Variants in CSMD1 observed in about 807,000 individuals in gnomAD.
The protein encoded by CSMD1 is CUB and sushi domain-containing protein 1.
CSMD1 carries 213 observed loss-of-function variants against 417.5 expected under a neutral mutation model. The ratio of observed to expected loss-of-function variants is 0.51; its 90% CI spans 0.46 to 0.57. The LOEUF is 0.57. Ranked by LOEUF, CSMD1 falls within the 20% of genes least tolerant of loss-of-function variation. The probability of loss-of-function intolerance (pLI) is 0.00; values close to 1 mark genes in which losing one functional copy is unlikely to be tolerated. For missense variants in CSMD1, 6,923 were observed against 4,529.7 expected (o/e 1.53, Z -15.17); for synonymous variants, 2,862 against 1,736.8 (o/e 1.65, Z -16.11).
At chr8:4,057,279 G>C (rs1207245905) in intron 3 of CSMD1, among the ~76,000 whole-genome samples, 2 of 152,128 alleles carry the variant, frequency 1.3e-5, no homozygotes, top group East Asian at 3.9e-4. Flanking sequence ...TTCTCTGATG[G>C]CCAGTGATGG....
At chr8:4,760,961 A>G (rs1812002289) in intron 1 of CSMD1, among the ~76,000 whole-genome samples, 1 of 152,068 alleles carries the variant, frequency 6.6e-6, no homozygotes, top group Non-Finnish European at 1.5e-5. Flanking sequence ...TTTCAGACCA[A>G]AGTTGCATTA....
At chr8:4,543,701 C>G (rs1055201057) in intron 2 of CSMD1, among the ~76,000 whole-genome samples, 1 of 101,912 alleles carries the variant, frequency 9.8e-6, no homozygotes, top group African/African-American at 3.6e-5. Context: ...AAAAAAAAAA[C>G]CCACACCAAA....
In CSMD1 at chr8:4,717,123, G is replaced by C. The variant is rs374791332; in HGVS notation, c.86-79565C>G. On this transcript the variant is annotated intron_variant, in intron 1 of 69. Transcript: ENST00000635120. ...AAAAACTATTTTTTTCTAATCATGA[G>C]AAAATAATCATTAGGAAAAAAAACT... Among the ~76,000 whole-genome samples the C allele has an allele frequency of 4.0e-4, 61 of 151,432 alleles. 1 individual carries two copies. Among genetic ancestry groups the C allele is most frequent in the East Asian group, 2.7e-3 (14 of 5,124 alleles).
At chr8:3,569,769 G>C (rs984036848) in intron 10 of CSMD1, among the ~76,000 whole-genome samples, 1 of 152,188 alleles carries the variant, frequency 6.6e-6, no homozygotes, top group Non-Finnish European at 1.5e-5. Flanking sequence ...AATGGCTGCT[G>C]CTTAATTTGG....
rs549297286 is a variant in CSMD1 at position 3,629,675 on chromosome 8, G to C, written c.1010-12878C>G. ...AATGTTATAATACACAAGTTTATAA[G>C]AGATTACGGAGATAGAAAAGACCAC... On this transcript the variant is annotated intron_variant, in intron 7 of 69. Coordinates refer to ENST00000635120, the MANE Select transcript of CSMD1 (RefSeq NM_033225.6). Among the ~76,000 whole-genome samples the C allele has an allele frequency of 1.2e-4, 18 of 152,218 alleles. No individual in the cohort carries two copies. In the East Asian group the frequency reaches 2.9e-3, roughly 25 times the overall value.
At chr8:3,671,031 C>CATAT (rs1798997335) in intron 7 of CSMD1, among the ~76,000 whole-genome samples, 2 of 86,878 alleles carry the variant, frequency 2.3e-5, no homozygotes, top group Non-Finnish European at 4.8e-5. Flanking sequence ...GGGATATATG[C>CATAT]ATATGGGATA....
chr8:3,290,339 A>T (rs1005582801), intron 25 of CSMD1, among the ~76,000 whole-genome samples: 2 of 146,716 alleles, frequency 1.4e-5, no homozygotes, highest in Non-Finnish European at 1.5e-5. Flanking sequence ...TGAACTTTAA[A>T]GTAGTTTTTT....
chr8:3,937,361 T>A (rs565958081), intron 5 of CSMD1, among the ~76,000 whole-genome samples: 2 of 152,244 alleles, frequency 1.3e-5, no homozygotes, highest in Admixed American at 6.6e-5. Flanking sequence ...AAAGGAGGAA[T>A]CAACTGACGT....
chr8:4,180,025 C>G (rs1245846002), intron 3 of CSMD1, among the ~76,000 whole-genome samples: 1 of 152,156 alleles, frequency 6.6e-6, no homozygotes, highest in East Asian at 1.9e-4. Context: ...TGTGGCGATT[C>G]CTCAAGGACC....
intron 5 of CSMD1, among the ~76,000 whole-genome samples, chr8:3,812,758 T>G (rs1441057607): frequency 1.3e-5 from 2 of 152,212 alleles, no homozygotes; most frequent in African/African-American, 2.4e-5. Context: ...CTTGCCTATT[T>G]TAATTAACCA....
intron 1 of CSMD1, among the ~76,000 whole-genome samples, chr8:4,735,760 G>C (rs1473928504): frequency 1.3e-5 from 2 of 152,074 alleles, no homozygotes; most frequent in African/African-American, 2.4e-5. Context: ...AGTCTTCCTA[G>C]TTGTCAGCCG....
chr8:3,581,521 G>C (rs942742713), intron 9 of CSMD1, among the ~76,000 whole-genome samples: 3 of 152,232 alleles, frequency 2.0e-5, no homozygotes, highest in Non-Finnish European at 4.4e-5. Context: ...GCAATTTATC[G>C]AATGCTTCCA....
At chr8:4,056,985 G>A (rs1194010873) in intron 3 of CSMD1, among the ~76,000 whole-genome samples, 4 of 152,162 alleles carry the variant, frequency 2.6e-5, no homozygotes, top group African/African-American at 7.2e-5. Context: ...GAATACTGCT[G>A]CAATAAACAT....
intron 5 of CSMD1, among the ~76,000 whole-genome samples, chr8:3,879,318 AT>A (rs1233216543): frequency 6.8e-6 from 1 of 147,022 alleles, no homozygotes; most frequent in African/African-American, 2.7e-5. Context: ...CTGCAGCCAA[AT>A]CTAAATCATT....
chr8:3,399,847 T>C (rs1401091838), intron 15 of CSMD1, among the ~76,000 whole-genome samples: 3 of 152,220 alleles, frequency 2.0e-5, no homozygotes, highest in South Asian at 2.1e-4. Flanking sequence ...CGGTTATCTA[T>C]AGTTTACATG....
chr8:3,094,102 A>ATTTAT (rs1554510666), intron 47 of CSMD1, among the ~76,000 whole-genome samples: 1 of 150,190 alleles, frequency 6.7e-6, no homozygotes, highest in Non-Finnish European at 1.5e-5. Context: ...ATTTTATTTT[A>ATTTAT]TTTTTTATTT....
chr8:3,996,860 G>A (rs1523254), intron 5 of CSMD1, among the ~76,000 whole-genome samples: 95,652 of 152,048 alleles, frequency 0.63, 30,814 homozygotes, highest in African/African-American at 0.77. Flanking sequence ...AAAACAAAGT[G>A]CAACTCAATT....
At chr8:4,464,367 G>A (rs936393063) in intron 2 of CSMD1, among the ~76,000 whole-genome samples, 2 of 152,194 alleles carry the variant, frequency 1.3e-5, no homozygotes, top group Non-Finnish European at 2.9e-5. Context: ...TGAAAAGAGT[G>A]ATGAAAATGC....
chr8:2,973,107 G>C lies in CSMD1; in HGVS notation c.8923+10C>G, dbSNP rs1179847451. ...TTTCAAGGTGGACCTTAAGGCTTCT[G>C]GCTACTCACCCTCACACACCGGCTG... On this transcript the variant is annotated intron_variant, in intron 57 of 69. Transcript: ENST00000635120. 20 of 1,611,392 alleles carry C rather than the reference G, an allele frequency of 1.2e-5. No individual in the cohort carries two copies. The highest frequency in any genetic ancestry group is 1.6e-4 in the Middle Eastern group (1 of 6,066).
Sources: allele counts gnomAD v4.1 joint callset (sites outside exome capture counted in the v4.1 genomes callset), GRCh38; gene constraint gnomAD v4.1.1; transcripts MANE v1.5; gene names NCBI Gene and HGNC (gene_info 2026-07-23, HGNC 2026-07-21).